The following FIGN variants were observed in gnomAD, a reference collection of about 807,000 sequenced individuals.
FIGN encodes fidgetin.
FIGN carries 11 observed loss-of-function variants against 51.3 expected under a neutral mutation model. That is an observed-to-expected ratio of 0.21 (90% confidence interval 0.13 to 0.35). FIGN has a LOEUF of 0.35. Ranked by LOEUF, FIGN falls within the 10% of genes least tolerant of loss-of-function variation. The pLI is 1.00. For missense variants in FIGN, 857 were observed against 943.6 expected (o/e 0.91, Z 1.20); for synonymous variants, 407 against 363.2 (o/e 1.12, Z -1.37).
At chr2:163,657,616 T>G (rs964267542) in intron 2 of FIGN, among the ~76,000 whole-genome samples, 1 of 151,804 alleles carries the variant, frequency 6.6e-6, no homozygotes, top group African/African-American at 2.4e-5. Flanking sequence ...TACAGAAGAC[T>G]CATGTAATTA....
At chr2:163,674,239 T>C (rs573344621) in intron 2 of FIGN, among the ~76,000 whole-genome samples, 8 of 152,284 alleles carry the variant, frequency 5.3e-5, no homozygotes, top group South Asian at 2.1e-4. Context: ...TCCATACTTA[T>C]GTTTTGTGCC....
At chr2:163,624,274 T>A (rs1431133715) in intron 2 of FIGN, among the ~76,000 whole-genome samples, 2 of 152,082 alleles carry the variant, frequency 1.3e-5, no homozygotes, top group African/African-American at 2.4e-5. Context: ...TAGCTCCCTG[T>A]ATTGTTATAA....
intron 2 of FIGN, among the ~76,000 whole-genome samples, chr2:163,663,297 C>T (rs1418470578): frequency 1.3e-5 from 2 of 151,190 alleles, no homozygotes; most frequent in African/African-American, 4.9e-5. Context: ...TCTGGAAGAA[C>T]CGTTCTGAAT....
chr2:163,611,721 G>A lies in FIGN; in HGVS notation c.111C>T (p.His37=), dbSNP rs769193296. ...GATGACCTCTGTAGGCTTCAACTTT[G>A]TGGGCAGGAGACCGAGTGGTTGAGG... ...DITSTTRSPA[H]KVEAYRGHLQ... Residue 37 remains histidine, a synonymous_variant, in exon 3 of 3, where the codon CAC becomes CAT. Transcript: ENST00000333129. The A allele has an allele frequency of 1.2e-6, 2 of 1,614,150 alleles. No homozygotes were observed. Among genetic ancestry groups the A allele is most frequent in the Non-Finnish European group, 1.7e-6 (2 of 1,180,002 alleles).
intron 2 of FIGN, among the ~76,000 whole-genome samples, chr2:163,624,887 T>G (rs981185444): frequency 2.0e-5 from 3 of 151,914 alleles, no homozygotes; most frequent in Admixed American, 6.6e-5. Flanking sequence ...GAATGTAATG[T>G]GAAAAGTGTT....
At chr2:163,718,755 A>G (rs939895349) in intron 2 of FIGN, among the ~76,000 whole-genome samples, 1 of 152,182 alleles carries the variant, frequency 6.6e-6, no homozygotes, top group Non-Finnish European at 1.5e-5. Flanking sequence ...AGTGAAAGTT[A>G]GAAAGCAAGA....
chr2:163,699,308 C>T (rs1684371373), intron 2 of FIGN, among the ~76,000 whole-genome samples: 1 of 152,024 alleles, frequency 6.6e-6, no homozygotes, highest in Non-Finnish European at 1.5e-5. Flanking sequence ...ACCATGGTAG[C>T]TTTCAAAAAG....
At chr2:163,648,634 T>A (rs1008800635) in intron 2 of FIGN, among the ~76,000 whole-genome samples, 1 of 152,228 alleles carries the variant, frequency 6.6e-6, no homozygotes, top group Non-Finnish European at 1.5e-5. Context: ...CACTGCTTTA[T>A]AATGTAAATC....
intron 2 of FIGN, among the ~76,000 whole-genome samples, chr2:163,685,221 TA>T: frequency 6.6e-6 from 1 of 152,302 alleles, no homozygotes; most frequent in Admixed American, 6.5e-5. Flanking sequence ...TTTTTACAAT[TA>T]GACTTTGAAT....
At chr2:163,616,283 T>C (rs1461453500) in intron 2 of FIGN, among the ~76,000 whole-genome samples, 3 of 152,092 alleles carry the variant, frequency 2.0e-5, no homozygotes, top group Admixed American at 6.6e-5. Flanking sequence ...AACAGTAATA[T>C]AGAAAAATGA....
intron 2 of FIGN, among the ~76,000 whole-genome samples, chr2:163,613,658 C>T (rs1030348795): frequency 3.3e-5 from 5 of 152,150 alleles, no homozygotes; most frequent in Non-Finnish European, 7.4e-5. Context: ...AGGTTTTAGT[C>T]AAAGAGAATC....
At chr2:163,637,770 A>G (rs1360386292) in intron 2 of FIGN, among the ~76,000 whole-genome samples, 1 of 152,144 alleles carries the variant, frequency 6.6e-6, no homozygotes, top group African/African-American at 2.4e-5. Flanking sequence ...TTGGAAATAG[A>G]GTAAAATGCT....
rs1691138236 is a variant in FIGN, at chr2:163,607,627, T to C, written c.*1925A>G. On this transcript the variant is annotated 3_prime_UTR_variant, in exon 3 of 3. Coordinates refer to ENST00000333129, the MANE Select transcript of FIGN (RefSeq NM_018086.4). ...AAAGGCCTTTCTTGGGGCTTCTCATTGCATTTATTTAAATTTTTTTAAAAA... is the reference window on the plus strand; with the variant it reads ...AAAGGCCTTTCTTGGGGCTTCTCATCGCATTTATTTAAATTTTTTTAAAAA... 1 of 152,600 alleles carries C rather than the reference T, an allele frequency of 6.6e-6. No individual in the cohort carries two copies. The highest frequency in any genetic ancestry group is 2.4e-5 in the African/African-American group (1 of 41,458). 9.5% of individuals were successfully genotyped at this position (152,600 alleles called of 1,614,324 possible). A position where few individuals can be genotyped will look rare whatever the true frequency, so the allele number is the denominator to read the frequency against.
chr2:163,703,045 T>C (rs984121530), intron 2 of FIGN, among the ~76,000 whole-genome samples: 11 of 151,676 alleles, frequency 7.3e-5, no homozygotes, highest in African/African-American at 2.7e-4. Context: ...TTTTTTTTTT[T>C]GGTATTTGCA....
intron 2 of FIGN, among the ~76,000 whole-genome samples, chr2:163,644,009 G>A (rs1328515940): frequency 4.2e-5 from 6 of 141,810 alleles, no homozygotes; most frequent in Admixed American, 7.5e-5. Flanking sequence ...AAAGGTAGGC[G>A]CTTCTCTTAG....
At chr2:163,722,231 C>T (rs889854473) in intron 2 of FIGN, among the ~76,000 whole-genome samples, 3 of 152,178 alleles carry the variant, frequency 2.0e-5, no homozygotes, top group East Asian at 1.9e-4. Flanking sequence ...AAGACATTCA[C>T]GAATTAAGTT....
intron 2 of FIGN, among the ~76,000 whole-genome samples, chr2:163,717,770 G>A (rs943633145): frequency 6.6e-6 from 1 of 152,068 alleles, no homozygotes; most frequent in African/African-American, 2.4e-5. Context: ...CGTGTTAATC[G>A]GGTGTAATTT....
chr2:163,730,703 C>T (rs996963495), intron 2 of FIGN, among the ~76,000 whole-genome samples: 1 of 152,018 alleles, frequency 6.6e-6, no homozygotes, highest in Non-Finnish European at 1.5e-5. Flanking sequence ...TTTTCTGAAC[C>T]ATTTGTTTAT....
chr2:163,703,115 A>G lies in FIGN; in HGVS notation c.25+31788T>C, dbSNP rs191920922. On this transcript the variant is annotated intron_variant, in intron 2 of 2. Coordinates refer to ENST00000333129, the MANE Select transcript of FIGN (RefSeq NM_018086.4). Reference sequence around the variant, plus strand: ...AAATAAATGCTTGATTGGCTTTAGCAGTTTTTTTGTAATTGAAAAAATAAA... The same window carrying G: ...AAATAAATGCTTGATTGGCTTTAGCGGTTTTTTTGTAATTGAAAAAATAAA... Among the ~76,000 whole-genome samples, 9 of 151,908 alleles carry G rather than the reference A, an allele frequency of 5.9e-5. No individual in the cohort carries two copies. In the East Asian group the frequency reaches 1.7e-3, roughly 29 times the overall value.
Sources: gnomAD v4.1 joint callset for allele counts (sites outside exome capture counted in the v4.1 genomes callset) on GRCh38, gnomAD v4.1.1 for gene constraint, MANE v1.5 for transcripts, NCBI Gene and HGNC (gene_info 2026-07-23, HGNC 2026-07-21) for gene names.